CDH9: variants seen among roughly 807,000 people sequenced by gnomAD.
CDH9 encodes the protein cadherin 9, also known as cadherin-9.
CDH9 carries 28 observed loss-of-function variants against 70.9 expected under a neutral mutation model. That is an observed-to-expected ratio of 0.40 (90% CI 0.29 to 0.54). The LOEUF (loss-of-function observed/expected upper bound fraction) is 0.54, where lower values mean the gene tolerates loss of function less well. Ranked by LOEUF, CDH9 falls within the 20% of genes least tolerant of loss-of-function variation. CDH9 has a pLI of 0.59. For synonymous variants in CDH9, 409 were observed against 343.1 expected (o/e 1.19, Z -2.12); for missense variants, 874 against 984.4 (o/e 0.89, Z 1.50).
intron 1 of CDH9, among the ~76,000 whole-genome samples, chr5:27,024,122 A>G (rs183398870): frequency 6.6e-6 from 1 of 152,052 alleles, no homozygotes; most frequent in Admixed American, 6.6e-5. Context: ...AACCATTTTA[A>G]CTTGACCCTA....
intron 3 of CDH9, among the ~76,000 whole-genome samples, chr5:26,907,122 G>C (rs1172568674): frequency 6.6e-6 from 1 of 151,884 alleles, no homozygotes; most frequent in Non-Finnish European, 1.5e-5. Context: ...TAATTGATTG[G>C]AAGTGTTTTA....
chr5:26,948,302 A>G (rs991160573), intron 2 of CDH9, among the ~76,000 whole-genome samples: 5 of 152,226 alleles, frequency 3.3e-5, no homozygotes, highest in African/African-American at 1.2e-4. Context: ...AAAGAAAACA[A>G]TATTTGCGGC....
intron 1 of CDH9, among the ~76,000 whole-genome samples, chr5:27,036,070 T>C (rs1743387941): frequency 1.3e-5 from 2 of 151,896 alleles, no homozygotes; most frequent in South Asian, 4.1e-4. Context: ...TTATATAATT[T>C]GTAAGCACTC....
intron 2 of CDH9, among the ~76,000 whole-genome samples, chr5:26,955,588 CT>C (rs1741932936): frequency 6.6e-6 from 1 of 150,716 alleles, no homozygotes; most frequent in South Asian, 2.1e-4. Flanking sequence ...CTCTCTCTCT[CT>C]CTCTCTCTCT....
At chr5:26,882,972 T>C (rs956041827) in intron 11 of CDH9, among the ~76,000 whole-genome samples, 4 of 146,288 alleles carry the variant, frequency 2.7e-5, no homozygotes, top group Admixed American at 2.1e-4. Flanking sequence ...TTATGAAAGA[T>C]AATTAGAAGT....
chr5:27,003,676 ACTT>A (rs1354034515), intron 1 of CDH9, among the ~76,000 whole-genome samples: 2 of 152,078 alleles, frequency 1.3e-5, no homozygotes, highest in Non-Finnish European at 2.9e-5. Flanking sequence ...CCTGATGGGT[ACTT>A]CTTAACACTG....
intron 11 of CDH9, among the ~76,000 whole-genome samples, chr5:26,881,833 A>G (rs1287016397): frequency 1.3e-5 from 2 of 152,110 alleles, no homozygotes; most frequent in East Asian, 1.9e-4. Context: ...CCTTTAATTT[A>G]CTGTCAAGAC....
At chr5:26,982,001 T>C (rs1742407711) in intron 2 of CDH9, among the ~76,000 whole-genome samples, 1 of 152,044 alleles carries the variant, frequency 6.6e-6, no homozygotes, top group Admixed American at 6.6e-5. Context: ...CCCATCCCTC[T>C]CTCCATACCC....
intron 2 of CDH9, among the ~76,000 whole-genome samples, chr5:26,935,296 T>A (rs1207133223): frequency 6.6e-6 from 1 of 152,066 alleles, no homozygotes; most frequent in East Asian, 1.9e-4. Context: ...ATGGTGAAAA[T>A]CTAGATGCTT....
At chr5:26,949,458 A>G (rs1453948691) in intron 2 of CDH9, among the ~76,000 whole-genome samples, 1 of 152,244 alleles carries the variant, frequency 6.6e-6, no homozygotes, top group Non-Finnish European at 1.5e-5. Flanking sequence ...CTGCATCTAC[A>G]AATTAAACCA....
At chr5:26,907,006 C>T (rs1279904288) in intron 3 of CDH9, among the ~76,000 whole-genome samples, 168 bp from the exon 4 acceptor site, 2 of 151,996 alleles carry the variant, frequency 1.3e-5, no homozygotes, top group Admixed American at 1.3e-4. Context: ...TTCTCATTTT[C>T]TATAAACTGA....
intron 7 of CDH9, among the ~76,000 whole-genome samples, chr5:26,894,250 A>G (rs1740708796): frequency 6.6e-6 from 1 of 152,148 alleles, no homozygotes; most frequent in Admixed American, 6.5e-5. Flanking sequence ...TCAAAGAGGA[A>G]AATAAAATTT....
At chr5:26,934,570 C>T (rs1201694063) in intron 2 of CDH9, among the ~76,000 whole-genome samples, 2 of 152,144 alleles carry the variant, frequency 1.3e-5, no homozygotes, top group African/African-American at 4.8e-5. Context: ...CAGGCCCCAC[C>T]TCCAACCATG....
intron 1 of CDH9, among the ~76,000 whole-genome samples, chr5:27,032,563 C>T (rs546901684): frequency 2.1e-4 from 32 of 151,566 alleles, no homozygotes; most frequent in Non-Finnish European, 3.7e-4. Flanking sequence ...AACAGTTGAA[C>T]CTATTCCACT....
intron 7 of CDH9, among the ~76,000 whole-genome samples, chr5:26,893,204 A>G (rs952293037): frequency 1.3e-5 from 2 of 152,202 alleles, no homozygotes; most frequent in Non-Finnish European, 2.9e-5. Context: ...TAACAATTTA[A>G]TATAGTACAT....
chr5:26,891,687 C>CAAACA (rs140871587), intron 7 of CDH9, among the ~76,000 whole-genome samples: 1 of 151,344 alleles, frequency 6.6e-6, no homozygotes, highest in East Asian at 1.9e-4. Flanking sequence ...CAAAAACAAA[C>CAAACA]AAACAAACAA....
Position 26,915,756 on chromosome 5 carries a change from T to G in CDH9, c.397A>C (p.Arg133=). 1 of 1,613,714 alleles carries G rather than the reference T, an allele frequency of 6.2e-7. No individual in the cohort carries two copies. The highest frequency in any genetic ancestry group is 8.5e-7 in the Non-Finnish European group (1 of 1,179,676). The change falls in exon 3 of 12, where the codon AGA becomes CGA. Residue 133 remains arginine, a synonymous_variant. Coordinates refer to ENST00000231021, the MANE Select transcript of CDH9 (RefSeq NM_016279.4). The part of the protein sequence containing the change: ...LYILRAKAID[R]KTGRQVEPES... ...GGTTCCACCTGCCGCCCAGTTTTTC[T>G]GTCTATAGCCTTGGCACGAAGAATG...
rs951064048 is a variant in CDH9, at chr5:27,016,666, T to G, written c.-50+21797A>C. 4.9e-4 allele frequency among the ~76,000 whole-genome samples: 74 copies of G among 151,848 alleles called. 1 individual carries two copies. The highest frequency in any genetic ancestry group is 1.5e-4 in the Non-Finnish European group (10 of 67,870). The stretch of plus-strand genomic sequence containing the variant: ...ATCTAAAAGTAATTTAAAACCGATA[T>G]GCAAATTATCCATAAAATAAATTTC... On this transcript the variant is annotated intron_variant, in intron 1 of 11. Transcript: ENST00000231021.
chr5:27,025,587 C>A (rs1323764275), intron 1 of CDH9, among the ~76,000 whole-genome samples: 3 of 152,012 alleles, frequency 2.0e-5, no homozygotes, highest in African/African-American at 4.8e-5. Flanking sequence ...GTGGAACCTG[C>A]AAGACAACAA....
Sources: allele counts gnomAD v4.1 joint callset (sites outside exome capture counted in the v4.1 genomes callset), GRCh38; gene constraint gnomAD v4.1.1; transcripts MANE v1.5; gene names NCBI Gene and HGNC (gene_info 2026-07-23, HGNC 2026-07-21).